Variants in FGL1 observed in about 807,000 individuals in gnomAD.
The protein encoded by FGL1 is fibrinogen-like protein 1.
Under a neutral mutation model 43.7 loss-of-function variants are expected in FGL1, and 59 were observed. The ratio of observed to expected loss-of-function variants is 1.35; its 90% CI spans 1.10 to 1.68. The LOEUF (loss-of-function observed/expected upper bound fraction) is 1.68. FGL1 is among the 40% of genes most tolerant of loss of function. FGL1 has a pLI of 0.00. For synonymous variants in FGL1, 192 were observed against 126.5 expected, an observed-to-expected ratio of 1.52 and a Z score of -3.48; for missense variants, 596 against 373.0, an observed-to-expected ratio of 1.60 and a Z score of -4.92.
intron 1 of FGL1, among the ~76,000 whole-genome samples, chr8:17,889,527 G>A (rs1012852411): frequency 6.6e-6 from 1 of 152,154 alleles, no homozygotes; most frequent in Non-Finnish European, 1.5e-5. Flanking sequence ...TTAAGCCTGG[G>A]TGACAGAGCG....
chr8:17,877,857 T>C (rs1330493110), intron 3 of FGL1, among the ~76,000 whole-genome samples: 2 of 152,182 alleles, frequency 1.3e-5, no homozygotes, highest in African/African-American at 4.8e-5. Context: ...GTAGAGTGAG[T>C]AGGCTTTCTT....
At chr8:17,888,318 G>A (rs1349263563) in intron 1 of FGL1, among the ~76,000 whole-genome samples, 3 of 152,072 alleles carry the variant, frequency 2.0e-5, no homozygotes, top group Non-Finnish European at 4.4e-5. Flanking sequence ...ATTAATATTC[G>A]CTAATTAATA....
chr8:17,894,751 C>G (rs2053751452), intron 1 of FGL1, among the ~76,000 whole-genome samples: 1 of 146,406 alleles, frequency 6.8e-6, no homozygotes, highest in Non-Finnish European at 1.5e-5. Flanking sequence ...TTTTCTTATT[C>G]CAATGTTTGA....
At chr8:17,892,027 C>T (rs1417925992) in intron 1 of FGL1, among the ~76,000 whole-genome samples, 1 of 152,164 alleles carries the variant, frequency 6.6e-6, no homozygotes, top group Non-Finnish European at 1.5e-5. Context: ...ATTACCATAG[C>T]TATCTCATAA....
At chr8:17,886,260 G>C (rs571951199) in intron 1 of FGL1, among the ~76,000 whole-genome samples, 6 of 152,294 alleles carry the variant, frequency 3.9e-5, no homozygotes, top group African/African-American at 1.2e-4. Flanking sequence ...AAAACAATGG[G>C]CTAAGTATAG....
rs771100406 is a variant in FGL1 at position 17,895,487 on chromosome 8, T to C, written c.-58A>G. On this transcript the variant is annotated 5_prime_UTR_variant, in exon 1 of 8. It removes an upstream start codon present in the reference 5' UTR. Coordinates refer to ENST00000427924, the MANE Select transcript of FGL1 (RefSeq NM_004467.4). ...AGTCAGAGACCCAGCTCAGGTTCCA[T>C]CCAGACACTCTGCTTCCCAGGATCC... 4 of 1,285,252 alleles carry C rather than the reference T, an allele frequency of 3.1e-6. No homozygotes were observed. The highest frequency in any genetic ancestry group is 3.0e-6 in the Non-Finnish European group (3 of 985,096). 79.6% of individuals were successfully genotyped at this position (1,285,252 alleles called of 1,614,324 possible). A position where few individuals can be genotyped will look rare whatever the true frequency, so the allele number is the denominator to read the frequency against.
In FGL1 at chr8:17,874,366, T is replaced by TA. The variant is rs778636832; in HGVS notation, c.399dup (p.Asn134Ter). 3.6e-5 allele frequency: 58 copies of TA among 1,612,362 alleles called. No homozygotes were observed. The East Asian group carries it at 1.2e-3, about 35-fold the overall frequency. ...CTTACATCATAATTAGCACACCTGT[T>TA]AAAGTTTTCACTGCCATCAGATCGT... On this transcript the variant is annotated frameshift_variant, in exon 4 of 8. Transcript: ENST00000427924. LOFTEE classifies it high-confidence loss of function.
At chr8:17,882,882 A>AAT (rs1232642161) in intron 2 of FGL1, among the ~76,000 whole-genome samples, 5 of 68,436 alleles carry the variant, frequency 7.3e-5, no homozygotes, top group Non-Finnish European at 1.2e-4. Context: ...AATAATATAT[A>AAT]ATATATCTCA....
chr8:17,889,524 TG>T, intron 1 of FGL1, among the ~76,000 whole-genome samples: 1 of 145,682 alleles, frequency 6.9e-6, no homozygotes, highest in Non-Finnish European at 1.6e-5. Context: ...TAGTTAAGCC[TG>T]GGTGACAGAG....
rs767795811 is a variant in FGL1, at chr8:17,874,447, C to G, written c.319G>C (p.Glu107Gln). The G allele has an allele frequency of 1.9e-6, 3 of 1,614,108 alleles. No homozygotes were observed. Among genetic ancestry groups the G allele is most frequent in the Non-Finnish European group, 2.5e-6 (3 of 1,179,992 alleles). ...GACATGTCACAATAAACAGAAAATT[C>G]TGCTGGGCTCTGGAGAGGTTTGATT... is the stretch of plus-strand genomic sequence containing the variant. ...YKIKPLQSPA[E>Q]FSVYCDMSDG... The change falls in exon 4 of 8, where the codon GAA becomes CAA. Residue 107 changes from glutamate to glutamine, a missense_variant. Physicochemically the swap from Glu to Gln is conservative, Grantham distance 29 (BLOSUM62 2). Coordinates refer to ENST00000427924, the MANE Select transcript of FGL1 (RefSeq NM_004467.4).
intron 1 of FGL1, among the ~76,000 whole-genome samples, chr8:17,889,410 T>A (rs1408523411): frequency 6.6e-6 from 1 of 151,944 alleles, no homozygotes; most frequent in Non-Finnish European, 1.5e-5. Context: ...ATTAGCCAGG[T>A]GTGGTGGTGC....
chr8:17,874,459 G>A lies in FGL1; in HGVS notation c.307C>T (p.Gln103Ter), dbSNP rs199837686. ...TAAACAGAAAATTCTGCTGGGCTCT[G>A]GAGAGGTTTGATTTTGTAAAATCCA... The part of the protein sequence containing the change: ...LSGFYKIKPL[Q>*]SPAEFSVYCD... Residue 103 changes from glutamine to a stop codon, truncating the protein, a stop_gained, in exon 4 of 8, where the codon CAG (glutamine) becomes TAG (stop). Transcript: ENST00000427924. LOFTEE classifies it high-confidence loss of function. 9.5e-5 allele frequency: 154 copies of A among 1,613,922 alleles called. No individual in the cohort carries two copies. The highest frequency in any genetic ancestry group is 2.3e-5 in the Non-Finnish European group (27 of 1,179,958).
intron 7 of FGL1, among the ~76,000 whole-genome samples, chr8:17,866,715 A>T (rs2131689855): frequency 6.6e-6 from 1 of 152,344 alleles, no homozygotes; most frequent in South Asian, 2.1e-4. Flanking sequence ...TTTCATTCAG[A>T]TGCCTTAGAA....
intron 1 of FGL1, among the ~76,000 whole-genome samples, chr8:17,893,618 A>C (rs2053737040): frequency 2.0e-5 from 3 of 147,556 alleles, no homozygotes; most frequent in Admixed American, 1.3e-4. Context: ...ACAATAAAGC[A>C]TTTCAAAATG....
rs34019703 is a variant in FGL1, at chr8:17,874,435, A to G, written c.331T>C (p.Tyr111His). 2,291 of 1,614,144 alleles carry G rather than the reference A, an allele frequency of 1.4e-3. 27 individuals carry two copies. The African/African-American group carries it at 0.026, about 18-fold the overall frequency. ...PLQSPAEFSV[Y>H]CDMSDGGGWT... ...CCTCCTCCATCGGACATGTCACAATAAACAGAAAATTCTGCTGGGCTCTGG... is the reference window on the plus strand; with the variant it reads ...CCTCCTCCATCGGACATGTCACAATGAACAGAAAATTCTGCTGGGCTCTGG... The change falls in exon 4 of 8, where the codon TAT becomes CAT. Residue 111 changes from tyrosine to histidine, a missense_variant. Coordinates refer to ENST00000427924, the MANE Select transcript of FGL1 (RefSeq NM_004467.4).
At chr8:17,867,971 A>T (rs1250888135) in intron 7 of FGL1, among the ~76,000 whole-genome samples, 1 of 152,220 alleles carries the variant, frequency 6.6e-6, no homozygotes, top group African/African-American at 2.4e-5. Context: ...CAGTAAAAAA[A>T]GAAGCAACTA....
At chr8:17,887,366 CA>C (rs1196373580) in intron 1 of FGL1, among the ~76,000 whole-genome samples, 13 of 152,314 alleles carry the variant, frequency 8.5e-5, no homozygotes, top group African/African-American at 2.9e-4. Flanking sequence ...AAGGTATAGG[CA>C]CACTATTCTG....
At chr8:17,869,863 A>G (rs948083888) in intron 5 of FGL1, among the ~76,000 whole-genome samples, 3 of 152,204 alleles carry the variant, frequency 2.0e-5, no homozygotes. Context: ...TAATCCCAGC[A>G]CTTTGGGAGG....
chr8:17,890,458 G>A (rs2053688238), intron 1 of FGL1, among the ~76,000 whole-genome samples: 1 of 152,056 alleles, frequency 6.6e-6, no homozygotes, highest in South Asian at 2.1e-4. Context: ...GACTTCTCAG[G>A]GCGATTGCAC....
Sources: gnomAD v4.1 joint callset for allele counts (sites outside exome capture counted in the v4.1 genomes callset) on GRCh38, gnomAD v4.1.1 for gene constraint, MANE v1.5 for transcripts, NCBI Gene and HGNC (gene_info 2026-07-23, HGNC 2026-07-21) for gene names.